The following AHDC1 variants were observed in gnomAD, a reference collection of about 807,000 sequenced individuals.
The protein encoded by AHDC1 is transcription factor Gibbin.
AHDC1 carries 7 observed loss-of-function variants against 87.9 expected under a neutral mutation model. The observed-to-expected ratio is 0.08, with a 90% CI of 0.05 to 0.15. The LOEUF (loss-of-function observed/expected upper bound fraction) is 0.15, where lower values mean the gene tolerates loss of function less well. Ranked by LOEUF, AHDC1 falls within the 10% of genes least tolerant of loss-of-function variation. AHDC1 has a pLI of 1.00. For synonymous variants in AHDC1, 1,051 were observed against 1,006.8 expected, an observed-to-expected ratio of 1.04 and a Z score of -0.83; for missense variants, 1,841 against 2,253.2, an observed-to-expected ratio of 0.82 and a Z score of 3.70.
In AHDC1 at chr1:27,551,532, T is replaced by C. The variant is rs2019563251; in HGVS notation, c.584A>G (p.His195Arg). 3 of 1,605,516 alleles carry C rather than the reference T, an allele frequency of 1.9e-6. No individual in the cohort carries two copies. Among genetic ancestry groups the C allele is most frequent in the Non-Finnish European group, 2.6e-6 (3 of 1,175,326 alleles). Reference sequence around the variant, plus strand: ...CTCAGGCTCAGGCTCGTAGAGGGGATGGCTGGGCCGCTCCGACTTGGCGTG... The same window carrying C: ...CTCAGGCTCAGGCTCGTAGAGGGGACGGCTGGGCCGCTCCGACTTGGCGTG... ...TPHAKSERPS[H>R]PLYEPEPEPR... Residue 195 changes from histidine (H) to arginine (R), a missense_variant, in exon 8 of 9, where the codon CAT (histidine) becomes CGT (arginine). Physicochemically the swap from His to Arg is conservative, Grantham distance 29. This residue lies in a region of AHDC1 where 370 missense variants were observed against 391.5 expected (regional missense o/e 0.95). Coordinates refer to ENST00000673934, the MANE Select transcript of AHDC1 (RefSeq NM_001371928.1).
chr1:27,560,473 G>A lies in AHDC1; in HGVS notation c.-628-1590C>T, dbSNP rs546330566. On this transcript the variant is annotated intron_variant, in intron 3 of 8. Transcript: ENST00000673934. The surrounding 1 kb of genome is among the most constrained non-coding windows in gnomAD (Gnocchi z 4.1). The stretch of plus-strand genomic sequence containing the variant: ...GCTGTCCCTGCAGGTTTCCAATCTC[G>A]AGGCCTGTGACTGCAGGCACTGGTG... Among the ~76,000 whole-genome samples, 4 of 152,236 alleles carry A rather than the reference G, an allele frequency of 2.6e-5. No individual in the cohort carries two copies. The highest frequency in any genetic ancestry group is 2.1e-4 in the South Asian group (1 of 4,826).
At chr1:27,578,998 A>C (rs1003999785) in intron 3 of AHDC1, among the ~76,000 whole-genome samples, 1 of 151,408 alleles carries the variant, frequency 6.6e-6, no homozygotes, top group African/African-American at 2.4e-5. Flanking sequence ...ACCCGGACAC[A>C]TATATGGCTT....
At chr1:27,568,824 A>AT (rs2020441271) in intron 3 of AHDC1, among the ~76,000 whole-genome samples, 1 of 151,396 alleles carries the variant, frequency 6.6e-6, no homozygotes, top group Non-Finnish European at 1.5e-5. Flanking sequence ...GAAACAGGGG[A>AT]TCCCCCAGAG....
intron 3 of AHDC1, among the ~76,000 whole-genome samples, chr1:27,585,253 C>CA (rs35143338): frequency 0.23 from 14,978 of 65,962 alleles, 1,327 homozygotes; most frequent in Middle Eastern, 0.32. Context: ...GACCCTGTCT[C>CA]AAAAAAAAAA....
In AHDC1 at chr1:27,547,524, G is replaced by A; in HGVS notation, c.4592C>T (p.Pro1531Leu). 2 of 1,610,492 alleles carry A rather than the reference G, an allele frequency of 1.2e-6. No homozygotes were observed. Among genetic ancestry groups the A allele is most frequent in the Non-Finnish European group, 8.5e-7 (1 of 1,178,184 alleles). Residue 1531 changes from proline (P) to leucine (L), a missense_variant, in exon 8 of 9, where the codon CCT (proline) becomes CTT (leucine). Pro to Leu is a moderately conservative substitution (Grantham distance 98). This residue lies in a region of AHDC1 where 505 missense variants were observed against 626.2 expected (regional missense o/e 0.81). Coordinates refer to ENST00000673934, the MANE Select transcript of AHDC1 (RefSeq NM_001371928.1). This position sits in a 1 kb window ranked among gnomAD's most constrained non-coding sequence, Gnocchi z 4.9. ...GCCATAGCCAGCAGCGGCTGCAGCAGGGCCACGGGGTGGGCCAGGGGGCCG... is the reference window on the plus strand; with the variant it reads ...GCCATAGCCAGCAGCGGCTGCAGCAAGGCCACGGGGTGGGCCAGGGGGCCG... ...MARPPGPPRG[P>L]AAAAAGYGCP... is the part of the protein sequence containing the mutation.
At chr1:27,546,843 A>C (rs2019189650) in intron 8 of AHDC1, among the ~76,000 whole-genome samples, 1 of 152,166 alleles carries the variant, frequency 6.6e-6, no homozygotes, top group African/African-American at 2.4e-5. Flanking sequence ...ACGACCGTCC[A>C]ACCTGCTTCT....
intron 3 of AHDC1, among the ~76,000 whole-genome samples, chr1:27,575,076 C>T (rs139145209): frequency 7.7e-4 from 118 of 152,336 alleles, no homozygotes; most frequent in Middle Eastern, 3.4e-3. Context: ...GCCTTGCCTC[C>T]CTCCTAGCAG....
chr1:27,559,699 T>C (rs1022216523), intron 3 of AHDC1, among the ~76,000 whole-genome samples: 1 of 152,258 alleles, frequency 6.6e-6, no homozygotes, highest in African/African-American at 2.4e-5. Context: ...TATATGCAGC[T>C]GGCGTTTACC....
rs1004329045 is a variant in AHDC1, at chr1:27,590,198, C to T, written c.-629+13199G>A. ...AACAAGATTCCTGGTGAGCAGGCTG[C>T]GGGGTTTGGCAGCGCGCCTGCTGGA... On this transcript the variant is annotated intron_variant, in intron 3 of 8. Coordinates refer to ENST00000673934, the MANE Select transcript of AHDC1 (RefSeq NM_001371928.1). The surrounding 1 kb of genome is among the most constrained non-coding windows in gnomAD (Gnocchi z 5.4). Among the ~76,000 whole-genome samples the T allele has an allele frequency of 2.0e-5, 3 of 152,174 alleles. No individual in the cohort carries two copies. Among genetic ancestry groups the T allele is most frequent in the Admixed American group, 6.5e-5 (1 of 15,288 alleles).
In AHDC1 at chr1:27,549,188, G is replaced by A. The variant is rs142275561; in HGVS notation, c.2928C>T (p.Ala976=). Residue 976 remains alanine, a synonymous_variant, in exon 8 of 9, where the codon GCC becomes GCT. Transcript: ENST00000673934. The part of the protein sequence containing the change: ...TYLPQYGGYG[A]GQSVFAPTKP... ...TAGTTGGGGCGAATACGCTTTGTCCGGCCCCATAGCCGCCGTACTGGGGCA... is the reference window on the plus strand; with the variant it reads ...TAGTTGGGGCGAATACGCTTTGTCCAGCCCCATAGCCGCCGTACTGGGGCA... The A allele has an allele frequency of 1.3e-4, 199 of 1,590,058 alleles. No homozygotes were observed. Among genetic ancestry groups the A allele is most frequent in the Non-Finnish European group, 1.6e-4 (190 of 1,168,094 alleles).
intron 3 of AHDC1, among the ~76,000 whole-genome samples, chr1:27,602,589 G>T (rs2089560233): frequency 6.6e-6 from 1 of 152,172 alleles, no homozygotes; most frequent in Non-Finnish European, 1.5e-5. Context: ...AGCGAGCAGA[G>T]ATTCAGCAAT....
At chr1:27,566,105 G>A (rs141318322) in intron 3 of AHDC1, among the ~76,000 whole-genome samples, 1 of 152,162 alleles carries the variant, frequency 6.6e-6, no homozygotes, top group East Asian at 1.9e-4. Flanking sequence ...GTAGGAAATA[G>A]AGTAAGGAGA....
In AHDC1 at chr1:27,551,392, C is replaced by T. The variant is rs772896338; in HGVS notation, c.724G>A (p.Ala242Thr). The change falls in exon 8 of 9, where the codon GCC (alanine) becomes ACC (threonine). Residue 242 changes from alanine (A) to threonine (T), a missense_variant. Coordinates refer to ENST00000673934, the MANE Select transcript of AHDC1 (RefSeq NM_001371928.1). The part of the protein sequence containing the change: ...DSTDYSELAD[A>T]DILSELASLT... ...GAGGCCAGCTCACTAAGGATGTCGG[C>T]GTCAGCAAGTTCTGAGTAATCAGTG... is the stretch of plus-strand genomic sequence containing the variant. 7 of 1,613,688 alleles carry T rather than the reference C, an allele frequency of 4.3e-6. No individual in the cohort carries two copies. Among genetic ancestry groups the T allele is most frequent in the African/African-American group, 2.7e-5 (2 of 75,052 alleles).
At chr1:27,580,959 C>T (rs1316984400) in intron 3 of AHDC1, among the ~76,000 whole-genome samples, 1 of 152,100 alleles carries the variant, frequency 6.6e-6, no homozygotes, top group African/African-American at 2.4e-5. Context: ...CTCAGACTCC[C>T]GAGTAGCTAG....
chr1:27,577,548 G>A (rs2088790626), intron 3 of AHDC1, among the ~76,000 whole-genome samples: 1 of 152,286 alleles, frequency 6.6e-6, no homozygotes, highest in Non-Finnish European at 1.5e-5. Flanking sequence ...CATACAGGGG[G>A]AACAGCCTAG....
intron 5 of AHDC1, among the ~76,000 whole-genome samples, chr1:27,556,122 A>G (rs1440806624): frequency 6.6e-6 from 1 of 152,022 alleles, no homozygotes; most frequent in South Asian, 2.1e-4. Context: ...GGGGGCCCCA[A>G]CCTGCTGTGC....
At chr1:27,542,210 G>A (rs953378150) in intron 8 of AHDC1, among the ~76,000 whole-genome samples, 3 of 152,240 alleles carry the variant, frequency 2.0e-5, no homozygotes, top group African/African-American at 7.2e-5. Flanking sequence ...CATATTTGCA[G>A]TGGGGGAGAG....
chr1:27,552,351 T>A (rs989471310), intron 7 of AHDC1, 162 bp from the exon 8 acceptor site: 1 of 557,776 alleles, frequency 1.8e-6, no homozygotes, highest in Non-Finnish European at 2.7e-6. Flanking sequence ...ACTCCCAGCC[T>A]TTCTCAAACC....
chr1:27,596,145 G>A lies in AHDC1; in HGVS notation c.-629+7252C>T, dbSNP rs568067190. Among the ~76,000 whole-genome samples, 48 of 152,166 alleles carry A rather than the reference G, an allele frequency of 3.2e-4. 1 individual carries two copies. The highest frequency in any genetic ancestry group is 5.1e-4 in the African/African-American group (21 of 41,462). ...TCCGGGGCCTAACTGGGGGCTACCCGCTAGAACCCCTATGGTATGGGGTGC... is the reference window on the plus strand; with the variant it reads ...TCCGGGGCCTAACTGGGGGCTACCCACTAGAACCCCTATGGTATGGGGTGC... On this transcript the variant is annotated intron_variant, in intron 3 of 8. Transcript: ENST00000673934.
Sources: allele counts gnomAD v4.1 joint callset (sites outside exome capture counted in the v4.1 genomes callset), GRCh38; gene constraint gnomAD v4.1.1; regional missense constraint gnomAD v4.1.1; non-coding constraint Gnocchi (gnomAD v3.1); transcripts MANE v1.5; gene names NCBI Gene and HGNC (gene_info 2026-07-23, HGNC 2026-07-21).